The following BIRC6 variants were observed in gnomAD, a reference collection of about 807,000 sequenced individuals.
The protein encoded by BIRC6 is dual E2 ubiquitin-conjugating enzyme/E3 ubiquitin-protein ligase BIRC6.
A neutral mutation model predicts 503.3 loss-of-function variants in BIRC6; 98 were observed. That is an observed-to-expected ratio of 0.19 (90% CI 0.17 to 0.23). The LOEUF (loss-of-function observed/expected upper bound fraction) is 0.23, where lower values mean the gene tolerates loss of function less well. Ranked by LOEUF, BIRC6 falls within the 10% of genes least tolerant of loss-of-function variation. The probability of loss-of-function intolerance (pLI) is 1.00; values close to 1 mark genes in which losing one functional copy is unlikely to be tolerated. For synonymous variants in BIRC6, 2,240 were observed against 2,078.7 expected, an observed-to-expected ratio of 1.08 and a Z score of -2.11; for missense variants, 5,360 against 5,806.0, an observed-to-expected ratio of 0.92 and a Z score of 2.50.
At chr2:32,389,922 C>T (rs868010575) in intron 4 of BIRC6, among the ~76,000 whole-genome samples, 30 of 150,912 alleles carry the variant, frequency 2.0e-4, no homozygotes, top group African/African-American at 6.6e-4. Flanking sequence ...TGCAATGGCA[C>T]GATCTCGGCT....
rs1044004338 is a variant in BIRC6 at position 32,448,786 on chromosome 2, A to G, written c.4485-9A>G. On this transcript the variant is annotated splice_polypyrimidine_tract_variant and intron_variant, in intron 21 of 73. Transcript: ENST00000421745. Reference sequence around the variant, plus strand: ...AGGAAAATTGTTAGTGCATTATTTTATTTTTCAGATATGGATTATATAGCT... The same window carrying G: ...AGGAAAATTGTTAGTGCATTATTTTGTTTTTCAGATATGGATTATATAGCT... 3.1e-6 allele frequency: 5 copies of G among 1,588,706 alleles called. No homozygotes were observed. The highest frequency in any genetic ancestry group is 1.4e-5 in the African/African-American group (1 of 73,216).
rs538508618 is a variant in BIRC6 at position 32,587,259 on chromosome 2, C to T, written c.13356-6656C>T. Among the ~76,000 whole-genome samples, 11 of 152,198 alleles carry T rather than the reference C, an allele frequency of 7.2e-5. No individual in the cohort carries two copies. In the East Asian group the frequency reaches 1.5e-3, roughly 21 times the overall value. ...AAAATTAGCTGGGAATGATGGTGCG[C>T]GCCTGTAGTCCCAGCTACTCGGGAG... On this transcript the variant is annotated intron_variant, in intron 66 of 73. Transcript: ENST00000421745.
intron 30 of BIRC6, 116 bp from the exon 31 acceptor site, chr2:32,470,052 T>G: frequency 9.4e-6 from 9 of 960,852 alleles, no homozygotes; most frequent in Non-Finnish European, 1.3e-5. Flanking sequence ...ATATGGTATG[T>G]TTTAAGAAAG....
chr2:32,380,548 G>C (rs569354500), intron 3 of BIRC6, among the ~76,000 whole-genome samples: 1 of 151,952 alleles, frequency 6.6e-6, no homozygotes, highest in Admixed American at 6.6e-5. Context: ...CCAACATGGC[G>C]AAACCCCATC....
chr2:32,596,758 C>T lies in BIRC6; in HGVS notation c.13613-993C>T, dbSNP rs115426208. Among the ~76,000 whole-genome samples, 1,301 of 152,332 alleles carry T rather than the reference C, an allele frequency of 8.5e-3. 9 individuals are homozygous for T. The highest frequency in any genetic ancestry group is 0.02 in the Middle Eastern group (6 of 294). ...TGTCAGCTAATGGCTTTTAAAAATA[C>T]ATGGCAGTGTTCTTGTACTTGAAGG... On this transcript the variant is annotated intron_variant, in intron 68 of 73. Coordinates refer to ENST00000421745, the MANE Select transcript of BIRC6 (RefSeq NM_016252.4).
intron 9 of BIRC6, among the ~76,000 whole-genome samples, chr2:32,413,704 A>G (rs1441974780): frequency 2.0e-5 from 3 of 151,666 alleles, no homozygotes; most frequent in Non-Finnish European, 2.9e-5. Flanking sequence ...TCTTAAGAAA[A>G]AAAAAAAAAA....
In BIRC6 at chr2:32,491,452, A is replaced by T; in HGVS notation, c.8234A>T (p.Gln2745Leu). 2 of 1,612,470 alleles carry T rather than the reference A, an allele frequency of 1.2e-6. No homozygotes were observed. Among genetic ancestry groups the T allele is most frequent in the South Asian group, 2.2e-5 (2 of 90,796 alleles). The change falls in exon 44 of 74, where the codon CAG (glutamine) becomes CTG (leucine). Residue 2745 changes from glutamine (Q) to leucine (L), a missense_variant. Gln to Leu is a moderately radical substitution (Grantham distance 113). Transcript: ENST00000421745. ...GGTTCCAGCAGTGCCATTGGAACTC[A>T]GGAGAGTACTGCTCATTTGTTGGTT... Reference protein sequence around the residue: ...NSGSSSAIGTQESTAHLLVSD... With the variant: ...NSGSSSAIGTLESTAHLLVSD...
chr2:32,480,035 C>T (rs916549594), intron 37 of BIRC6, among the ~76,000 whole-genome samples: 1 of 152,002 alleles, frequency 6.6e-6, no homozygotes. Flanking sequence ...TTTATCATCT[C>T]CATACCCCTT....
At chr2:32,371,893 C>T (rs1478571058) in intron 1 of BIRC6, among the ~76,000 whole-genome samples, 3 of 152,124 alleles carry the variant, frequency 2.0e-5, no homozygotes, top group African/African-American at 7.2e-5. Context: ...GCAACCTCCA[C>T]CTCCCTGGTT....
chr2:32,430,862 A>G lies in BIRC6; in HGVS notation c.3023-3A>G. 1 of 1,310,582 alleles carries G rather than the reference A, an allele frequency of 7.6e-7. No homozygotes were observed. The highest frequency in any genetic ancestry group is 1.2e-5 in the South Asian group (1 of 85,740). The allele number at this position is 1,310,582 out of a possible 1,614,324, so 81.2% of individuals were successfully genotyped here. ...TTCAAATACTGCTCTCACTAATGTT[A>G]AGGAGTTGATTTATTGGTGGACCAG... is the stretch of plus-strand genomic sequence containing the variant. On this transcript the variant is annotated splice_region_variant and splice_polypyrimidine_tract_variant and intron_variant, in intron 11 of 73. Coordinates refer to ENST00000421745, the MANE Select transcript of BIRC6 (RefSeq NM_016252.4).
At chr2:32,419,256 T>A (rs183884707) in intron 10 of BIRC6, among the ~76,000 whole-genome samples, 216 of 152,334 alleles carry the variant, frequency 1.4e-3, no homozygotes, top group African/African-American at 5.1e-3. Context: ...CCCTGTCTTC[T>A]GAGTATATTC....
At chr2:32,506,549 A>G (rs1396785473) in intron 50 of BIRC6, among the ~76,000 whole-genome samples, 2 of 152,266 alleles carry the variant, frequency 1.3e-5, no homozygotes, top group Admixed American at 6.5e-5. Context: ...TTATTTGGAA[A>G]GCAAAGGAGT....
rs1053766826 is a variant in BIRC6 at position 32,362,123 on chromosome 2, G to T, written c.325+4637G>T. Reference sequence around the variant, plus strand: ...AGAAACTGACAGACTCTTAGTGGCTGTGTACCATTTTGTATTCTCATCAGC... The same window carrying T: ...AGAAACTGACAGACTCTTAGTGGCTTTGTACCATTTTGTATTCTCATCAGC... On this transcript the variant is annotated intron_variant, in intron 1 of 73. Coordinates refer to ENST00000421745, the MANE Select transcript of BIRC6 (RefSeq NM_016252.4). 2.6e-5 allele frequency among the ~76,000 whole-genome samples: 4 copies of T among 152,270 alleles called. No homozygotes were observed. The East Asian group carries it at 7.7e-4, about 29-fold the overall frequency.
At chr2:32,473,049 A>C in intron 32 of BIRC6, 63 bp from the exon 33 acceptor site, 2 of 1,396,930 alleles carry the variant, frequency 1.4e-6, no homozygotes, top group Non-Finnish European at 1.9e-6. Flanking sequence ...TTTTCTGGGT[A>C]GGAAAGGTAC....
intron 15 of BIRC6, among the ~76,000 whole-genome samples, chr2:32,437,171 T>C (rs542949874): frequency 6.6e-6 from 1 of 152,250 alleles, no homozygotes; most frequent in South Asian, 2.1e-4. Context: ...ATTGCAGACG[T>C]AAGCCACCGC....
rs1156655833 is a variant in BIRC6 at position 32,435,497 on chromosome 2, T to G, written c.3411T>G (p.Ala1137=). ...AGATCACCTTTCCTTTGTCTCCAGC[T>G]CTTAACATTGAAGTGGAACAAAATG... is the stretch of plus-strand genomic sequence containing the variant. ...NKAPGLGKVN[A]LNIEVEQNGK... is the part of the protein sequence containing the mutation. The change falls in exon 14 of 74, where the codon GCT becomes GCG. Residue 1137 remains alanine, a splice_region_variant and synonymous_variant. Coordinates refer to ENST00000421745, the MANE Select transcript of BIRC6 (RefSeq NM_016252.4). 7.1e-6 allele frequency: 11 copies of G among 1,551,952 alleles called. No individual in the cohort carries two copies. Among genetic ancestry groups the G allele is most frequent in the Non-Finnish European group, 9.6e-6 (11 of 1,147,118 alleles).
chr2:32,401,890 A>C (rs2040635638), intron 8 of BIRC6, among the ~76,000 whole-genome samples: 1 of 152,236 alleles, frequency 6.6e-6, no homozygotes, highest in Non-Finnish European at 1.5e-5. Context: ...ATAGATGATG[A>C]AAAGTCAACA....
chr2:32,447,389 C>T (rs2046127886), intron 21 of BIRC6, among the ~76,000 whole-genome samples: 1 of 151,788 alleles, frequency 6.6e-6, no homozygotes, highest in Non-Finnish European at 1.5e-5. Context: ...GGGCTGATCC[C>T]CCCACCTCCC....
At chr2:32,358,471 TA>T (rs2033538181) in intron 1 of BIRC6, among the ~76,000 whole-genome samples, 1 of 152,180 alleles carries the variant, frequency 6.6e-6, no homozygotes, top group African/African-American at 2.4e-5. Flanking sequence ...CATTTGTGGT[TA>T]AATGATGGGT....
Sources: gnomAD v4.1 joint callset for allele counts (sites outside exome capture counted in the v4.1 genomes callset) on GRCh38, gnomAD v4.1.1 for gene constraint, MANE v1.5 for transcripts, NCBI Gene and HGNC (gene_info 2026-07-23, HGNC 2026-07-21) for gene names.